The following ASPA variants were observed in gnomAD, a reference collection of about 807,000 sequenced individuals.
The protein encoded by ASPA is aspartoacylase.
ASPA carries 25 observed loss-of-function variants against 29.6 expected under a neutral mutation model. The ratio of observed to expected loss-of-function variants is 0.85; its 90% CI spans 0.62 to 1.18. ASPA has a LOEUF of 1.18. Ranked by LOEUF, ASPA falls within the 50% of genes most tolerant of loss-of-function variation. The pLI is 0.00. For synonymous variants in ASPA, 131 were observed against 130.3 expected (o/e 1.01, Z -0.04); for missense variants, 333 against 385.7 (o/e 0.86, Z 1.14).
intron 5 of ASPA, among the ~76,000 whole-genome samples, chr17:3,497,572 T>C (rs763961843): frequency 6.6e-6 from 1 of 152,190 alleles, no homozygotes; most frequent in Non-Finnish European, 1.5e-5. Flanking sequence ...TCTCAGATTC[T>C]GATTTGATTT....
At position 3,500,853 on chromosome 17, in the gene ASPA, C is replaced by T. The variant is rs1484509448; in HGVS notation, c.*1765C>T. 1 of 152,066 alleles carries T rather than the reference C, an allele frequency of 6.6e-6. No homozygotes were observed. The highest frequency in any genetic ancestry group is 2.4e-5 in the African/African-American group (1 of 41,386). The allele number at this position is 152,066 out of a possible 1,614,324, so 9.4% of individuals were successfully genotyped here. ...TGATGCTAAACCTGCTGTGTCTGAG[C>T]TCTATAAATGGAACAACAAAGCCTC... On this transcript the variant is annotated 3_prime_UTR_variant, in exon 6 of 6. Coordinates refer to ENST00000263080, the MANE Select transcript of ASPA (RefSeq NM_000049.4).
Position 3,483,508 on chromosome 17 carries a change from G to C in ASPA, c.442G>C (p.Ala148Pro). 1 of 1,613,922 alleles carries C rather than the reference G, an allele frequency of 6.2e-7. No homozygotes were observed. Among genetic ancestry groups the C allele is most frequent in the Non-Finnish European group, 8.5e-7 (1 of 1,179,954 alleles). Reference protein sequence around the residue: ...QMFHYIKTSLAPLPCYVYLIE... With the variant: ...QMFHYIKTSLPPLPCYVYLIE... ...TTTTGATTTTTTTCAGACTTCTCTG[G>C]CTCCACTACCCTGCTACGTTTATCT... Residue 148 changes from alanine to proline, a missense_variant, in exon 3 of 6, where the codon GCT (alanine) becomes CCT (proline). Coordinates refer to ENST00000263080, the MANE Select transcript of ASPA (RefSeq NM_000049.4).
At chr17:3,480,831 A>C (rs1011352602) in intron 1 of ASPA, among the ~76,000 whole-genome samples, 3 of 152,230 alleles carry the variant, frequency 2.0e-5, no homozygotes, top group African/African-American at 7.2e-5. Context: ...GATAGCTTGG[A>C]GATTAGAAGC....
intron 3 of ASPA, among the ~76,000 whole-genome samples, chr17:3,483,924 C>T (rs563046690): frequency 6.6e-6 from 1 of 152,308 alleles, no homozygotes; most frequent in African/African-American, 2.4e-5. Flanking sequence ...TCCCAAAGTG[C>T]TGGGATTACA....
intron 5 of ASPA, 89 bp from the exon 6 acceptor site, chr17:3,498,802 T>G (rs2073951588): frequency 8.1e-7 from 1 of 1,233,824 alleles, no homozygotes; most frequent in Non-Finnish European, 1.1e-6. Flanking sequence ...AACAGAATAC[T>G]GTAATTTGTT....
At chr17:3,486,373 C>T (rs1346468299) in intron 3 of ASPA, among the ~76,000 whole-genome samples, 1 of 152,208 alleles carries the variant, frequency 6.6e-6, no homozygotes, top group Non-Finnish European at 1.5e-5. Context: ...CCGTGTCTTG[C>T]TCATGAGACT....
Position 3,485,439 on chromosome 17 carries a change from G to A in ASPA, c.526+1847G>A, listed in dbSNP as rs1321362343. Among the ~76,000 whole-genome samples the A allele has an allele frequency of 6.6e-5, 10 of 152,150 alleles. No individual in the cohort carries two copies. The highest frequency in any genetic ancestry group is 2.6e-4 in the Admixed American group (4 of 15,272). Reference sequence around the variant, plus strand: ...CAACCAGGAGAATCGCTTGAACCCCGGAGGTGGAGGTTGCAGTGAGCCGAG... The same window carrying A: ...CAACCAGGAGAATCGCTTGAACCCCAGAGGTGGAGGTTGCAGTGAGCCGAG... On this transcript the variant is annotated intron_variant, in intron 3 of 5. Coordinates refer to ENST00000263080, the MANE Select transcript of ASPA (RefSeq NM_000049.4). The surrounding 1 kb of genome is among the most constrained non-coding windows in gnomAD (Gnocchi z 4.4).
At position 3,501,589 on chromosome 17, in the gene ASPA, G is replaced by A. The variant is rs1359708450; in HGVS notation, c.*2501G>A. 2 of 163,238 alleles carry A rather than the reference G, an allele frequency of 1.2e-5. No homozygotes were observed. Among genetic ancestry groups the A allele is most frequent in the Admixed American group, 6.4e-5 (1 of 15,522 alleles). The allele number at this position is 163,238 out of a possible 1,614,324, so 10.1% of individuals were successfully genotyped here. ...TGTGAACACTGTTGAAATGACAAAGGATTTAGAATATTACGTAAACATAGT... is the reference window on the plus strand; with the variant it reads ...TGTGAACACTGTTGAAATGACAAAGAATTTAGAATATTACGTAAACATAGT... On this transcript the variant is annotated 3_prime_UTR_variant, in exon 6 of 6. Coordinates refer to ENST00000263080, the MANE Select transcript of ASPA (RefSeq NM_000049.4).
intron 5 of ASPA, among the ~76,000 whole-genome samples, chr17:3,498,650 A>AG (rs1481754765): frequency 6.6e-6 from 1 of 152,188 alleles, no homozygotes; most frequent in Non-Finnish European, 1.5e-5. Flanking sequence ...ACCTGGCTGA[A>AG]GCAAATGTTA....
chr17:3,484,043 G>A (rs2073679234), intron 3 of ASPA, among the ~76,000 whole-genome samples: 1 of 152,140 alleles, frequency 6.6e-6, no homozygotes, highest in Admixed American at 6.5e-5. Flanking sequence ...TTAGCTCCAG[G>A]CAGGCTCTAA....
rs1213039041 is a variant in ASPA, at chr17:3,499,682, G to A, written c.*594G>A. ...GGGGCACCATGAATCGTGCCCATGT[G>A]AGACTGCGAACTTAGTGAATGTTGT... On this transcript the variant is annotated 3_prime_UTR_variant, in exon 6 of 6. Coordinates refer to ENST00000263080, the MANE Select transcript of ASPA (RefSeq NM_000049.4). 3 of 152,292 alleles carry A rather than the reference G, an allele frequency of 2.0e-5. No homozygotes were observed. The highest frequency in any genetic ancestry group is 7.2e-5 in the African/African-American group (3 of 41,440). 9.4% of individuals were successfully genotyped at this position (152,292 alleles called of 1,614,324 possible). A position where few individuals can be genotyped will look rare whatever the true frequency, so the allele number is the denominator to read the frequency against.
intron 5 of ASPA, 37 bp from the exon 6 acceptor site, chr17:3,498,854 C>G: frequency 6.9e-7 from 1 of 1,452,148 alleles, no homozygotes; most frequent in Non-Finnish European, 9.1e-7. Context: ...GGAGAAAAAC[C>G]AAATATAATA....
At chr17:3,493,485 C>T (rs188526740) in intron 4 of ASPA, among the ~76,000 whole-genome samples, 60 of 128,538 alleles carry the variant, frequency 4.7e-4, no homozygotes, top group Middle Eastern at 5.8e-3. Flanking sequence ...CGCTTGAACC[C>T]GGGAGGTGGA....
In ASPA at chr17:3,502,792, T is replaced by A. The variant is rs562330334; in HGVS notation, c.*3704T>A. 9.5e-4 allele frequency: 145 copies of A among 152,390 alleles called. 1 individual carries two copies. Among genetic ancestry groups the A allele is most frequent in the African/African-American group, 3.4e-3 (142 of 41,592 alleles). The allele number at this position is 152,390 out of a possible 1,614,324, so 9.4% of individuals were successfully genotyped here. A position where few individuals can be genotyped will look rare whatever the true frequency, so the allele number is the denominator to read the frequency against. ...CATGGAAAATTTGGAAGAGGCCTAT[T>A]CTTCACAGCTGTCACTTCTCATTTT... On this transcript the variant is annotated 3_prime_UTR_variant, in exon 6 of 6. Transcript: ENST00000263080.
Position 3,476,078 on chromosome 17 carries a change from T to G in ASPA, c.-82T>G. 7.6e-7 allele frequency: 1 copy of G among 1,320,160 alleles called. No individual in the cohort carries two copies. The allele number at this position is 1,320,160 out of a possible 1,614,324, so 81.8% of individuals were successfully genotyped here. On this transcript the variant is annotated 5_prime_UTR_variant, in exon 1 of 6. The change creates a new upstream start codon in the 5' untranslated region. Transcript: ENST00000263080. ...CCTTTGGGTAAAGTCTCATTTACAT[T>G]TCTAAACCTTTCTTAAGAAAATCGA...
intron 5 of ASPA, among the ~76,000 whole-genome samples, chr17:3,496,850 C>A (rs914365240): frequency 1.8e-4 from 27 of 152,094 alleles, no homozygotes; most frequent in African/African-American, 5.3e-4. Context: ...GCGGATCACG[C>A]GGTCAGGAGA....
chr17:3,501,267 G>A lies in ASPA; in HGVS notation c.*2179G>A, dbSNP rs1412479771. 1 of 152,238 alleles carries A rather than the reference G, an allele frequency of 6.6e-6. No individual in the cohort carries two copies. The highest frequency in any genetic ancestry group is 1.5e-5 in the Non-Finnish European group (1 of 68,066). The allele number at this position is 152,238 out of a possible 1,614,324, so 9.4% of individuals were successfully genotyped here. On this transcript the variant is annotated 3_prime_UTR_variant, in exon 6 of 6. Coordinates refer to ENST00000263080, the MANE Select transcript of ASPA (RefSeq NM_000049.4). The stretch of plus-strand genomic sequence containing the variant: ...AAGTAAACAGAAAACCTCTGGAAAG[G>A]ATTCAGCATTCCAGATGCCATTAAG...
intron 5 of ASPA, among the ~76,000 whole-genome samples, chr17:3,496,683 C>A (rs1002827923): frequency 6.6e-6 from 1 of 152,094 alleles, no homozygotes; most frequent in Non-Finnish European, 1.5e-5. Context: ...CGTAGGGGAC[C>A]CCCTCCCAGT....
At chr17:3,474,676 A>G (rs2073495963), upstream of ASPA, among the ~76,000 whole-genome samples, 1 of 152,218 alleles carries the variant, frequency 6.6e-6, no homozygotes, top group Admixed American at 6.5e-5. Context: ...TTAAAGGAAG[A>G]ACATTCAGTG....
Sources: allele counts gnomAD v4.1 joint callset (sites outside exome capture counted in the v4.1 genomes callset), GRCh38; gene constraint gnomAD v4.1.1; non-coding constraint Gnocchi (gnomAD v3.1); transcripts MANE v1.5; gene names NCBI Gene and HGNC (gene_info 2026-07-23, HGNC 2026-07-21).